Variants in NTM observed in about 807,000 individuals in gnomAD.
The protein encoded by NTM is IgLON family member 2.
In NTM, 13 loss-of-function variants were observed where a neutral mutation model predicts 42.1. That is an observed-to-expected ratio of 0.31 (90% CI 0.20 to 0.49). NTM has a LOEUF of 0.49. Among genes scored for constraint, NTM ranks in the 20% least tolerant of loss-of-function variants. The pLI is 0.99. For synonymous variants in NTM, 187 were observed against 179.2 expected, an observed-to-expected ratio of 1.04 and a Z score of -0.35; for missense variants, 373 against 452.8, an observed-to-expected ratio of 0.82 and a Z score of 1.60.
intron 1 of NTM, among the ~76,000 whole-genome samples, chr11:131,374,441 C>A (rs1308138498): frequency 2.0e-5 from 3 of 152,200 alleles, no homozygotes; most frequent in Admixed American, 2.0e-4. Context: ...CTGATTCTTC[C>A]CTTTTTTGGT....
chr11:131,375,710 T>G (rs1038198040), intron 1 of NTM, among the ~76,000 whole-genome samples: 5 of 152,178 alleles, frequency 3.3e-5, no homozygotes, highest in African/African-American at 1.2e-4. Context: ...TAATCTGGAT[T>G]GGCAAAGGGT....
At chr11:132,098,306 CTAA>C (rs2136508542) in intron 2 of NTM, among the ~76,000 whole-genome samples, 1 of 152,226 alleles carries the variant, frequency 6.6e-6, no homozygotes, top group East Asian at 1.9e-4. Flanking sequence ...CATGATAAAT[CTAA>C]TAATATCTTA....
chr11:131,598,755 C>CTTTCTTCTTTCT, intron 1 of NTM, among the ~76,000 whole-genome samples: 1 of 31,140 alleles, frequency 3.2e-5, no homozygotes, highest in African/African-American at 9.7e-5. Context: ...TTCTTTCTTT[C>CTTTCTTCTTTCT]TTCTTTCTTT....
At chr11:131,694,350 C>T (rs567664240) in intron 1 of NTM, among the ~76,000 whole-genome samples, 26 of 152,176 alleles carry the variant, frequency 1.7e-4, no homozygotes, top group Non-Finnish European at 3.5e-4. Flanking sequence ...TCAGTCTCCA[C>T]GGGCAGCACT....
At chr11:131,464,112 A>T (rs369112459) in intron 1 of NTM, among the ~76,000 whole-genome samples, 2 of 152,038 alleles carry the variant, frequency 1.3e-5, no homozygotes, top group African/African-American at 4.8e-5. Flanking sequence ...CTGCTGAGGG[A>T]GGAGGGTGCA....
At chr11:131,513,488 G>C (rs1432850540) in intron 1 of NTM, among the ~76,000 whole-genome samples, 1 of 152,202 alleles carries the variant, frequency 6.6e-6, no homozygotes, top group African/African-American at 2.4e-5. Context: ...CCCTGAGCCT[G>C]TGACATGAGG....
chr11:132,132,986 C>G (rs1021471919), intron 2 of NTM, among the ~76,000 whole-genome samples: 3 of 152,220 alleles, frequency 2.0e-5, no homozygotes, highest in East Asian at 1.9e-4. Flanking sequence ...TTACAATCCA[C>G]TCACCCCAGA....
intron 1 of NTM, among the ~76,000 whole-genome samples, chr11:131,621,884 G>T (rs1047497502): frequency 2.6e-5 from 4 of 151,414 alleles, no homozygotes; most frequent in Admixed American, 1.3e-4. Context: ...TTTCTATGTG[G>T]AAGCTTTCGA....
At chr11:131,651,731 C>A (rs557723393) in intron 1 of NTM, among the ~76,000 whole-genome samples, 11 of 152,244 alleles carry the variant, frequency 7.2e-5, no homozygotes, top group African/African-American at 2.6e-4. Flanking sequence ...CTCCCAGCTA[C>A]TTGGGAGGCT....
intron 3 of NTM, among the ~76,000 whole-genome samples, chr11:132,169,320 CTTTTTTTTTTTTT>C (rs567723794): frequency 1.4e-3 from 46 of 32,376 alleles, no homozygotes; most frequent in African/African-American, 2.4e-3. Flanking sequence ...AATTTTTTTA[CTTTTTTTTTTTTT>C]TTTTTTTTTT....
chr11:131,911,131 T>A, intron 1 of NTM: 1 of 1,252,266 alleles, frequency 8.0e-7, no homozygotes, highest in Non-Finnish European at 1.0e-6. Context: ...GTGCCGTGTC[T>A]GAACTGCCGC....
chr11:131,687,903 A>G (rs867338743), intron 1 of NTM, among the ~76,000 whole-genome samples: 43 of 152,204 alleles, frequency 2.8e-4, no homozygotes, highest in African/African-American at 8.4e-4. Flanking sequence ...TTGGTGCCGA[A>G]TGTGTCCTAG....
At chr11:131,671,661 G>A (rs143642477) in intron 1 of NTM, 4 of 946,334 alleles carry the variant, frequency 4.2e-6, no homozygotes, top group African/African-American at 1.8e-5. Flanking sequence ...AAGACTCAGC[G>A]GTATAGGAAG....
At chr11:131,785,457 T>C (rs1418806710) in intron 1 of NTM, among the ~76,000 whole-genome samples, 1 of 152,234 alleles carries the variant, frequency 6.6e-6, no homozygotes, top group East Asian at 1.9e-4. Context: ...ATTGGACCCT[T>C]GGCAGCTAAG....
intron 4 of NTM, among the ~76,000 whole-genome samples, chr11:132,257,166 C>T (rs764445994): frequency 1.1e-4 from 17 of 152,292 alleles, no homozygotes; most frequent in East Asian, 9.7e-4. Context: ...GAGAAAGCAG[C>T]GGCTTTTGTC....
At chr11:132,013,112 G>A (rs2072597940) in intron 2 of NTM, among the ~76,000 whole-genome samples, 1 of 151,234 alleles carries the variant, frequency 6.6e-6, no homozygotes, top group South Asian at 2.1e-4. Context: ...ATGTAGTAAA[G>A]GAAGATTTTC....
chr11:132,166,798 T>C (rs988198499), intron 3 of NTM, among the ~76,000 whole-genome samples: 4 of 152,208 alleles, frequency 2.6e-5, no homozygotes, highest in African/African-American at 9.6e-5. Flanking sequence ...TACACCTGAA[T>C]GTGGCACTGA....
At chr11:131,793,546 C>T (rs1330954980) in intron 1 of NTM, among the ~76,000 whole-genome samples, 1 of 152,192 alleles carries the variant, frequency 6.6e-6, no homozygotes, top group African/African-American at 2.4e-5. Flanking sequence ...AACAATTTCT[C>T]AAAGCCATAG....
At chr11:131,975,145 T>G (rs997855317) in intron 2 of NTM, among the ~76,000 whole-genome samples, 4 of 152,094 alleles carry the variant, frequency 2.6e-5, no homozygotes, top group Non-Finnish European at 5.9e-5. Context: ...TCTTATTTTT[T>G]GCCTTTTCAG....
Sources: gnomAD v4.1 joint callset for allele counts (sites outside exome capture counted in the v4.1 genomes callset) on GRCh38, gnomAD v4.1.1 for gene constraint, MANE v1.5 for transcripts, NCBI Gene and HGNC (gene_info 2026-07-23, HGNC 2026-07-21) for gene names.